MYO5B: variants seen among roughly 807,000 people sequenced by gnomAD.
The protein encoded by MYO5B is myosin VB, also known as unconventional myosin-Vb.
A neutral mutation model predicts 229.3 loss-of-function variants in MYO5B; 143 were observed. That is an observed-to-expected ratio of 0.62 (90% confidence interval 0.54 to 0.72). MYO5B has a LOEUF of 0.72. Ranked by LOEUF, MYO5B falls within the 30% of genes least tolerant of loss-of-function variation. The pLI is 0.00. For synonymous variants in MYO5B, 918 were observed against 885.2 expected, an observed-to-expected ratio of 1.04 and a Z score of -0.66; for missense variants, 2,321 against 2,331.0, an observed-to-expected ratio of 1.00 and a Z score of 0.09.
At chr18:49,849,845 G>C in intron 31 of MYO5B, 185 bp from the exon 32 acceptor site, 1 of 650,940 alleles carries the variant, frequency 1.5e-6, no homozygotes. Context: ...TGGAACTCAG[G>C]AAGTGGGAGA....
At chr18:49,995,431 T>A (rs968808130) in intron 5 of MYO5B, among the ~76,000 whole-genome samples, 1 of 42,396 alleles carries the variant, frequency 2.4e-5, no homozygotes, top group African/African-American at 4.0e-5. Context: ...ATTTTTTTTG[T>A]ATTTTTTTTT....
intron 1 of MYO5B, among the ~76,000 whole-genome samples, chr18:50,145,909 G>A (rs2032494667): frequency 6.6e-6 from 1 of 152,174 alleles, no homozygotes; most frequent in Non-Finnish European, 1.5e-5. Flanking sequence ...GTCTTCACTG[G>A]TGCCTGTGAC....
At chr18:49,995,310 A>G (rs1160501613) in intron 5 of MYO5B, among the ~76,000 whole-genome samples, 2 of 146,816 alleles carry the variant, frequency 1.4e-5, no homozygotes, top group African/African-American at 5.1e-5. Flanking sequence ...GCTAGAGTGC[A>G]ATGGTGTGAT....
intron 1 of MYO5B, among the ~76,000 whole-genome samples, chr18:50,126,923 A>C (rs188645098): frequency 6.6e-6 from 1 of 152,330 alleles, no homozygotes; most frequent in East Asian, 1.9e-4. Flanking sequence ...ACATACAGGA[A>C]GTTTTTACAA....
chr18:49,835,847 C>A (rs2023981054), intron 38 of MYO5B, among the ~76,000 whole-genome samples: 1 of 152,192 alleles, frequency 6.6e-6, no homozygotes, highest in African/African-American at 2.4e-5. Flanking sequence ...ACATTGTTTA[C>A]AAATGAGTAT....
At chr18:50,105,467 C>T (rs532934565) in intron 1 of MYO5B, among the ~76,000 whole-genome samples, 1 of 152,090 alleles carries the variant, frequency 6.6e-6, no homozygotes, top group Non-Finnish European at 1.5e-5. Flanking sequence ...ACCAGGTTCA[C>T]AGAATCCAAC....
At chr18:50,091,853 A>C (rs2031454956) in intron 1 of MYO5B, among the ~76,000 whole-genome samples, 1 of 152,216 alleles carries the variant, frequency 6.6e-6, no homozygotes, top group African/African-American at 2.4e-5. Context: ...CTAAAAGGGA[A>C]AGAGGAGAAA....
chr18:50,072,500 C>G (rs1443750371), intron 1 of MYO5B, among the ~76,000 whole-genome samples: 1 of 152,088 alleles, frequency 6.6e-6, no homozygotes, highest in Non-Finnish European at 1.5e-5. Flanking sequence ...TGCTCTGTGT[C>G]CTGGGATAAA....
intron 25 of MYO5B, among the ~76,000 whole-genome samples, chr18:49,876,051 C>T (rs1036871117): frequency 4.6e-5 from 7 of 152,204 alleles, no homozygotes; most frequent in African/African-American, 1.7e-4. Context: ...TGAGTCTCAG[C>T]CATTTATATT....
rs12455305 is a variant in MYO5B, at chr18:49,846,894, C to A, written c.4459+252G>T. 0.072 allele frequency among the ~76,000 whole-genome samples: 10,911 copies of A among 151,364 alleles called. 898 individuals carry two copies. Among genetic ancestry groups the A allele is most frequent in the East Asian group, 0.29 (1,501 of 5,130 alleles). On this transcript the variant is annotated intron_variant, in intron 33 of 39. Coordinates refer to ENST00000285039, the MANE Select transcript of MYO5B (RefSeq NM_001080467.3). ...TGGGTGGCTCCCCTCCCACTTCCAT[C>A]GTATGGGCAGAACAAAGAAGCAGTG...
At chr18:49,973,771 G>A (rs994560310) in intron 10 of MYO5B, among the ~76,000 whole-genome samples, 5 of 152,066 alleles carry the variant, frequency 3.3e-5, no homozygotes, top group Admixed American at 6.5e-5. Flanking sequence ...ACCACACCAC[G>A]GTGGCTCTCC....
chr18:50,181,334 C>T (rs1346878667), intron 1 of MYO5B, among the ~76,000 whole-genome samples: 2 of 110,176 alleles, frequency 1.8e-5, no homozygotes, highest in African/African-American at 3.4e-5. Flanking sequence ...GAAAGCTCTA[C>T]ATTTATTGAT....
chr18:50,047,577 A>G (rs779606274), intron 2 of MYO5B, among the ~76,000 whole-genome samples: 1 of 152,242 alleles, frequency 6.6e-6, no homozygotes, highest in Non-Finnish European at 1.5e-5. Context: ...TGATACAGCC[A>G]TCCCATTACT....
At chr18:49,834,279 TCTCC>T (rs2023959641) in intron 39 of MYO5B, among the ~76,000 whole-genome samples, 1 of 152,146 alleles carries the variant, frequency 6.6e-6, no homozygotes, top group Non-Finnish European at 1.5e-5. Flanking sequence ...TTTTCCTGAC[TCTCC>T]CTCTGATGAC....
chr18:49,897,504 A>G (rs1195299655), intron 21 of MYO5B, among the ~76,000 whole-genome samples: 1 of 152,190 alleles, frequency 6.6e-6, no homozygotes, highest in African/African-American at 2.4e-5. Context: ...TGGGGTATAT[A>G]AAATGTTTTG....
intron 29 of MYO5B, among the ~76,000 whole-genome samples, chr18:49,861,402 G>C (rs1012399559): frequency 2.0e-5 from 3 of 152,156 alleles, no homozygotes; most frequent in African/African-American, 7.2e-5. Flanking sequence ...CACACCGCTT[G>C]TCAGACCAAG....
In MYO5B at chr18:50,038,701, G is replaced by A. The variant is rs374888195; in HGVS notation, c.310+1442C>T. ...CTGTGCCATTCAGTCACTCTGAACA[G>A]CTTGAACTGGAGGAGTCAAGATGCA... On this transcript the variant is annotated intron_variant, in intron 3 of 39. Transcript: ENST00000285039. Among the ~76,000 whole-genome samples, 60 of 152,310 alleles carry A rather than the reference G, an allele frequency of 3.9e-4. 1 individual carries two copies. The East Asian group carries it at 0.011, about 27-fold the overall frequency.
chr18:49,906,464 G>A lies in MYO5B; in HGVS notation c.2369C>T (p.Ala790Val). The A allele has an allele frequency of 1.9e-6, 3 of 1,614,174 alleles. No individual in the cohort carries two copies. Among genetic ancestry groups the A allele is most frequent in the Non-Finnish European group, 2.5e-6 (3 of 1,180,046 alleles). Reference sequence around the variant, plus strand: ...GCAGTACCTCTGCAGGGTTAAGGTAGCCCCCTTCAGCCTGTGATATTTCAC... The same window carrying A: ...GCAGTACCTCTGCAGGGTTAAGGTAACCCCCTTCAGCCTGTGATATTTCAC... ...QKVKYHRLKGATLTLQRYCRG... is the reference protein window; with the variant it reads ...QKVKYHRLKGVTLTLQRYCRG... The change falls in exon 19 of 40, where the codon GCT becomes GTT. Residue 790 changes from alanine (A) to valine (V), a missense_variant. Ala to Val is a moderately conservative substitution (Grantham distance 64). This residue lies in a region of MYO5B where 2,113 missense variants were observed against 2,044.7 expected (regional missense o/e 1.03). Transcript: ENST00000285039.
intron 4 of MYO5B, among the ~76,000 whole-genome samples, chr18:50,015,626 G>A (rs2026208084): frequency 6.6e-6 from 1 of 152,174 alleles, no homozygotes. Flanking sequence ...TGTGCCCAGG[G>A]CAAGGGAAGC....
Sources: gnomAD v4.1 joint callset for allele counts (sites outside exome capture counted in the v4.1 genomes callset) on GRCh38, gnomAD v4.1.1 for gene constraint, gnomAD v4.1.1 regional missense constraint, MANE v1.5 for transcripts, NCBI Gene and HGNC (gene_info 2026-07-23, HGNC 2026-07-21) for gene names.